RHEX: variants seen among roughly 807,000 people sequenced by gnomAD.
RHEX encodes regulator of hemoglobinization and erythroid cell expansion.
RHEX carries 18 observed loss-of-function variants against 20.1 expected under a neutral mutation model. That is an observed-to-expected ratio of 0.90 (90% CI 0.62 to 1.33). The LOEUF (loss-of-function observed/expected upper bound fraction) is 1.33. RHEX is among the 40% of genes most tolerant of loss of function. The pLI, the probability that RHEX is intolerant of heterozygous loss-of-function variation, is 0.00. For synonymous variants in RHEX, 87 were observed against 77.1 expected (o/e 1.13, Z -0.67); for missense variants, 192 against 214.3 (o/e 0.90, Z 0.65).
chr1:206,076,595 A>G (rs564801107), intron 1 of RHEX, among the ~76,000 whole-genome samples: 1 of 152,250 alleles, frequency 6.6e-6, no homozygotes, highest in Admixed American at 6.5e-5. Flanking sequence ...CTCATCTTCC[A>G]GCTGAAATTC....
rs139669512 is a variant in RHEX, at chr1:206,058,896, C to T, written c.-97+5631C>T. Among the ~76,000 whole-genome samples, 119 of 152,248 alleles carry T rather than the reference C, an allele frequency of 7.8e-4. No individual in the cohort carries two copies. In the Middle Eastern group the frequency reaches 0.01, roughly 13 times the overall value. On this transcript the variant is annotated intron_variant, in intron 1 of 5. Transcript: ENST00000331555. ...TTCAGTGTCTGGGAGGTTTTGTCTG[C>T]GGCTCGTCCTGCTACAACTGGACTT...
chr1:206,056,216 A>G (rs1049176945), intron 1 of RHEX, among the ~76,000 whole-genome samples: 32 of 152,204 alleles, frequency 2.1e-4, no homozygotes, highest in Admixed American at 6.5e-5. Context: ...ACCATCCTTA[A>G]ACATCAGTAG....
intron 1 of RHEX, among the ~76,000 whole-genome samples, chr1:206,055,901 G>A (rs565772105): frequency 6.6e-6 from 1 of 152,380 alleles, no homozygotes; most frequent in South Asian, 2.1e-4. Context: ...TGGCCCCCAT[G>A]TCCAAAGTCC....
chr1:206,080,027 T>C (rs946010996), intron 1 of RHEX, among the ~76,000 whole-genome samples: 16 of 152,202 alleles, frequency 1.1e-4, no homozygotes, highest in Non-Finnish European at 2.2e-4. Flanking sequence ...GCAAGCCTTA[T>C]AGACGTTGTT....
chr1:206,061,383 C>G (rs1662306717), intron 1 of RHEX: 1 of 152,208 alleles, frequency 6.6e-6, no homozygotes, highest in African/African-American at 2.4e-5. Flanking sequence ...GACCAACTTT[C>G]CCCACAAGTC....
intron 1 of RHEX, among the ~76,000 whole-genome samples, chr1:206,073,595 T>C (rs1662574122): frequency 6.6e-6 from 1 of 152,110 alleles, no homozygotes; most frequent in Non-Finnish European, 1.5e-5. Context: ...TTTGTCACTA[T>C]GCATACTGGG....
At chr1:206,057,784 G>GA (rs1371077536) in intron 1 of RHEX, among the ~76,000 whole-genome samples, 24 of 152,376 alleles carry the variant, frequency 1.6e-4, no homozygotes, top group African/African-American at 4.6e-4. Context: ...ATGGCCCCCT[G>GA]AAAAAATCTT....
At chr1:206,099,980 G>A (rs1361467663) in intron 4 of RHEX, among the ~76,000 whole-genome samples, 182 bp downstream of exon 4, 1 of 152,198 alleles carries the variant, frequency 6.6e-6, no homozygotes, top group African/African-American at 2.4e-5. Context: ...CTATTTCGTG[G>A]GGAAGATCAT....
At chr1:206,098,311 T>G in intron 3 of RHEX, 130 bp downstream of exon 3, 2 of 650,818 alleles carry the variant, frequency 3.1e-6, no homozygotes, top group Non-Finnish European at 5.6e-6. Flanking sequence ...ACCGGCCAAA[T>G]TCCTTCCCAC....
intron 1 of RHEX, among the ~76,000 whole-genome samples, chr1:206,073,350 A>G (rs77760435): frequency 0.019 from 2,833 of 152,310 alleles, 80 homozygotes; most frequent in African/African-American, 0.065. Context: ...TTTTGGGCAT[A>G]TCATAGCAAC....
chr1:206,081,000 CAG>C (rs1491037964), intron 1 of RHEX, among the ~76,000 whole-genome samples: 35 of 152,046 alleles, frequency 2.3e-4, no homozygotes, highest in African/African-American at 8.5e-4. Flanking sequence ...CACACACACA[CAG>C]ACACATACAC....
At chr1:206,062,011 A>T (rs1474552171) in intron 1 of RHEX, 1 of 152,298 alleles carries the variant, frequency 6.6e-6, no homozygotes, top group Non-Finnish European at 1.5e-5. Context: ...AGAGATCAAG[A>T]CCATCCTGGC....
At chr1:206,096,688 T>A (rs1663073745) in intron 1 of RHEX, among the ~76,000 whole-genome samples, 1 of 152,218 alleles carries the variant, frequency 6.6e-6, no homozygotes, top group Non-Finnish European at 1.5e-5. Flanking sequence ...TCTTGCTTTA[T>A]TGCAATCATG....
At chr1:206,077,560 G>A (rs28503228) in intron 1 of RHEX, among the ~76,000 whole-genome samples, 19,248 of 152,108 alleles carry the variant, frequency 0.13, 1,332 homozygotes, top group South Asian at 0.2. Context: ...TGACTTGAGG[G>A]TAGGAGGTCA....
At chr1:206,087,356 T>A (rs144182015) in intron 1 of RHEX, among the ~76,000 whole-genome samples, 1 of 152,372 alleles carries the variant, frequency 6.6e-6, no homozygotes, top group East Asian at 1.9e-4. Flanking sequence ...CTGTTGCCTG[T>A]CCTTCAAATA....
At chr1:206,064,438 G>T (rs532838790) in intron 1 of RHEX, among the ~76,000 whole-genome samples, 1 of 88,644 alleles carries the variant, frequency 1.1e-5, no homozygotes, top group South Asian at 4.2e-4. Flanking sequence ...GGAGGGAGGT[G>T]GGGGGGTCAG....
intron 1 of RHEX, among the ~76,000 whole-genome samples, chr1:206,066,046 TC>T (rs1468049505): frequency 6.6e-6 from 1 of 152,212 alleles, no homozygotes; most frequent in Non-Finnish European, 1.5e-5. Context: ...CTTTGGTCCC[TC>T]CAGGGATTTC....
chr1:206,094,988 G>A lies in RHEX; in HGVS notation c.-96-2745G>A, dbSNP rs376903522. On this transcript the variant is annotated intron_variant, in intron 1 of 5. Transcript: ENST00000331555. The stretch of plus-strand genomic sequence containing the variant: ...CTACCTCAGGGGGCTTTGGAAATGT[G>A]TGGGGTCATTTGGGGTCCCTTTGGC... Among the ~76,000 whole-genome samples, 142 of 152,180 alleles carry A rather than the reference G, an allele frequency of 9.3e-4. 1 individual carries two copies. Among genetic ancestry groups the A allele is most frequent in the African/African-American group, 3.3e-3 (137 of 41,524 alleles).
intron 1 of RHEX, among the ~76,000 whole-genome samples, chr1:206,069,276 C>G (rs1454830197): frequency 6.6e-6 from 1 of 152,182 alleles, no homozygotes; most frequent in Admixed American, 6.5e-5. Context: ...TTTCAACGCA[C>G]AGGACAGAGC....
Sources: gnomAD v4.1 joint callset for allele counts (sites outside exome capture counted in the v4.1 genomes callset) on GRCh38, gnomAD v4.1.1 for gene constraint, MANE v1.5 for transcripts, NCBI Gene and HGNC (gene_info 2026-07-23, HGNC 2026-07-21) for gene names.